Variants in RPP30 observed in about 807,000 individuals in gnomAD.
The protein encoded by RPP30 is ribonuclease P protein subunit p30.
A neutral mutation model predicts 38.6 loss-of-function variants in RPP30; 36 were observed. That is an observed-to-expected ratio of 0.93 (90% CI 0.71 to 1.23). The LOEUF is 1.23. RPP30 is among the 50% of genes most tolerant of loss of function. The probability of loss-of-function intolerance (pLI) is 0.00; values close to 1 mark genes in which losing one functional copy is unlikely to be tolerated. For synonymous variants in RPP30, 126 were observed against 112.7 expected, an observed-to-expected ratio of 1.12 and a Z score of -0.75; for missense variants, 321 against 321.7, an observed-to-expected ratio of 1.00 and a Z score of 0.02.
At position 90,885,899 on chromosome 10, in the gene RPP30, G is replaced by T. The variant is rs554911549; in HGVS notation, c.430G>T (p.Val144Leu). 8 of 1,568,476 alleles carry T rather than the reference G, an allele frequency of 5.1e-6. No homozygotes were observed. In the African/African-American group the frequency reaches 1.1e-4, roughly 21 times the overall value. ...TTACTTCAAAAGACCTCCTATTAAT[G>T]TGGTAAGTGTACTTTCCATTCTGTA... is the stretch of plus-strand genomic sequence containing the variant. ...PFYFKRPPIN[V>L]AIDRGLAFEL... The change falls in exon 6 of 11, where the codon GTG becomes TTG. Residue 144 changes from valine (V) to leucine (L), a missense_variant and splice_region_variant. Coordinates refer to ENST00000371703, the MANE Select transcript of RPP30 (RefSeq NM_006413.5).
intron 1 of RPP30, among the ~76,000 whole-genome samples, chr10:90,873,440 C>T (rs1846809604): frequency 6.6e-6 from 1 of 152,172 alleles, no homozygotes; most frequent in South Asian, 2.1e-4. Flanking sequence ...AAATAGTGGA[C>T]ATTTGCAAAG....
At chr10:90,904,309 A>G (rs1278666929), downstream of RPP30, among the ~76,000 whole-genome samples, 1 of 152,234 alleles carries the variant, frequency 6.6e-6, no homozygotes, top group Non-Finnish European at 1.5e-5. Context: ...GAGAGGCAGT[A>G]CAGCATACCA....
downstream of RPP30, chr10:90,902,212 T>C (rs778958602): frequency 3.1e-5 from 25 of 806,916 alleles, no homozygotes; most frequent in Non-Finnish European, 3.3e-5. Context: ...AGGTGAAATT[T>C]ATTCTTTTTT....
chr10:90,881,905 A>G (rs970434460), intron 5 of RPP30, among the ~76,000 whole-genome samples: 1 of 152,192 alleles, frequency 6.6e-6, no homozygotes, highest in South Asian at 2.1e-4. Context: ...TGTCAATAGT[A>G]GTATAAAATC....
chr10:90,887,130 G>A (rs1028577108), intron 6 of RPP30, among the ~76,000 whole-genome samples: 4 of 151,810 alleles, frequency 2.6e-5, no homozygotes, highest in African/African-American at 9.7e-5. Flanking sequence ...ACCACACCTG[G>A]CTAATTTTTT....
At chr10:90,898,953 A>T (rs924600530) in intron 10 of RPP30, among the ~76,000 whole-genome samples, 3 of 152,256 alleles carry the variant, frequency 2.0e-5, no homozygotes, top group Non-Finnish European at 2.9e-5. Context: ...TCACTCGTAG[A>T]TAATCCTTTA....
chr10:90,894,996 C>T (rs747473692), intron 7 of RPP30, 105 bp downstream of exon 7: 74 of 848,032 alleles, frequency 8.7e-5, no homozygotes, highest in Non-Finnish European at 9.6e-5. Flanking sequence ...AGAATGTTCT[C>T]ATAGCATAGG....
chr10:90,906,672 A>T (rs1363154369), downstream of RPP30, among the ~76,000 whole-genome samples: 1 of 152,192 alleles, frequency 6.6e-6, no homozygotes, highest in Non-Finnish European at 1.5e-5. Flanking sequence ...ATGAGAAGTA[A>T]TGGTGACCTG....
chr10:90,887,453 G>T (rs1280787549), intron 6 of RPP30, among the ~76,000 whole-genome samples: 1 of 151,334 alleles, frequency 6.6e-6, no homozygotes, highest in Non-Finnish European at 1.5e-5. Flanking sequence ...CACGATCTCG[G>T]CTCACTTCCA....
intron 1 of RPP30, among the ~76,000 whole-genome samples, chr10:90,874,293 G>C (rs146561146): frequency 1.3e-5 from 2 of 152,332 alleles, no homozygotes; most frequent in East Asian, 3.9e-4. Flanking sequence ...CTCCCAGTCT[G>C]TCGATGGTGT....
intron 9 of RPP30, 103 bp from the exon 10 acceptor site, chr10:90,896,210 T>C (rs529564823): frequency 1.0e-6 from 1 of 954,036 alleles, no homozygotes; most frequent in Non-Finnish European, 1.7e-6. Flanking sequence ...TTGAATTAAT[T>C]AGCCTCTCAA....
chr10:90,887,497 C>T (rs1017198285), intron 6 of RPP30, among the ~76,000 whole-genome samples: 11 of 151,856 alleles, frequency 7.2e-5, no homozygotes, highest in African/African-American at 2.7e-4. Flanking sequence ...ATTCTCCTGC[C>T]CCAGCCTCCT....
At chr10:90,878,568 T>C (rs1052129112) in intron 4 of RPP30, among the ~76,000 whole-genome samples, 3 of 152,048 alleles carry the variant, frequency 2.0e-5, no homozygotes, top group Non-Finnish European at 4.4e-5. Flanking sequence ...CGCGGCTCAC[T>C]GCAGCCTCAA....
intron 4 of RPP30, among the ~76,000 whole-genome samples, chr10:90,876,467 TAAG>T (rs1367887018): frequency 6.6e-6 from 1 of 152,142 alleles, no homozygotes; most frequent in African/African-American, 2.4e-5. Context: ...ATTACAAATG[TAAG>T]GAATGTTCCA....
chr10:90,880,863 G>A (rs1302461189), intron 5 of RPP30, among the ~76,000 whole-genome samples: 1 of 152,176 alleles, frequency 6.6e-6, no homozygotes, highest in Non-Finnish European at 1.5e-5. Flanking sequence ...CTCACCACTG[G>A]AGACTTTGTT....
chr10:90,890,423 ACT>A (rs1050791036), intron 6 of RPP30, among the ~76,000 whole-genome samples: 10 of 151,896 alleles, frequency 6.6e-5, no homozygotes, highest in African/African-American at 9.7e-5. Flanking sequence ...TATGTTTTAC[ACT>A]CTCTCTGATG....
intron 4 of RPP30, among the ~76,000 whole-genome samples, chr10:90,876,765 T>C (rs138071547): frequency 6.6e-6 from 1 of 152,128 alleles, no homozygotes; most frequent in African/African-American, 2.4e-5. Context: ...TGGAAGCCCT[T>C]GAAGGTTTTA....
At chr10:90,900,342 A>C (rs563806649) in intron 10 of RPP30, among the ~76,000 whole-genome samples, 1 of 152,376 alleles carries the variant, frequency 6.6e-6, no homozygotes, top group African/African-American at 2.4e-5. Context: ...ACTGTCCTGC[A>C]GTTTTACCCA....
intron 5 of RPP30, chr10:90,880,305 C>T (rs186431968): frequency 3.3e-5 from 5 of 151,710 alleles, no homozygotes; most frequent in Middle Eastern, 3.4e-3. Context: ...AGGATGCTAA[C>T]GTGTGCGATA....
Sources: allele counts gnomAD v4.1 joint callset (sites outside exome capture counted in the v4.1 genomes callset), GRCh38; gene constraint gnomAD v4.1.1; transcripts MANE v1.5; gene names NCBI Gene and HGNC (gene_info 2026-07-23, HGNC 2026-07-21).